The following CAMTA1 variants were observed in gnomAD, a reference collection of about 807,000 sequenced individuals.
CAMTA1 encodes calmodulin-binding transcription activator 1.
CAMTA1 carries 27 observed loss-of-function variants against 170.9 expected under a neutral mutation model. That is an observed-to-expected ratio of 0.16 (90% confidence interval 0.12 to 0.22). The LOEUF (loss-of-function observed/expected upper bound fraction) is 0.22. Among genes scored for constraint, CAMTA1 ranks in the 10% least tolerant of loss-of-function variants. The probability of loss-of-function intolerance (pLI) is 1.00; values close to 1 mark genes in which losing one functional copy is unlikely to be tolerated. For synonymous variants in CAMTA1, 833 were observed against 891.5 expected, an observed-to-expected ratio of 0.93 and a Z score of 1.17; for missense variants, 1,619 against 2,217.2, an observed-to-expected ratio of 0.73 and a Z score of 5.42.
rs544002704 is a variant in CAMTA1 at position 7,666,813 on chromosome 1, A to C, written c.2652+1614A>C. On this transcript the variant is annotated intron_variant, in intron 9 of 22. Transcript: ENST00000303635. ...CCGATAGGAAGAGCCCGGAAGGATC[A>C]GACTGGGCTTCCTCTTGGTATAGGT... 3.7e-4 allele frequency among the ~76,000 whole-genome samples: 57 copies of C among 152,346 alleles called. No individual in the cohort carries two copies. The Middle Eastern group carries it at 0.01, about 27-fold the overall frequency.
chr1:7,088,107 G>T (rs570403954), intron 3 of CAMTA1, among the ~76,000 whole-genome samples: 2 of 152,326 alleles, frequency 1.3e-5, no homozygotes, highest in South Asian at 4.1e-4. Context: ...GCATGGGACA[G>T]TCGATGGCGG....
At chr1:7,094,117 G>T (rs1382917660) in intron 4 of CAMTA1, among the ~76,000 whole-genome samples, 2 of 152,202 alleles carry the variant, frequency 1.3e-5, no homozygotes, top group Non-Finnish European at 2.9e-5. Flanking sequence ...AAGGCAGAGG[G>T]TGAAGACGGA....
At position 7,248,517 on chromosome 1, in the gene CAMTA1, T is replaced by G. The variant is rs1292878930; in HGVS notation, c.303-974T>G. Among the ~76,000 whole-genome samples, 3 of 152,178 alleles carry G rather than the reference T, an allele frequency of 2.0e-5. No individual in the cohort carries two copies. The highest frequency in any genetic ancestry group is 7.2e-5 in the African/African-American group (3 of 41,442). On this transcript the variant is annotated intron_variant, in intron 4 of 22. Transcript: ENST00000303635. This position sits in a 1 kb window ranked among gnomAD's most constrained non-coding sequence, Gnocchi z 4.0. ...GCACTGCGTGGGGTGCTGCTAGATT[T>G]TGGGGGAGTCTTCCTTGACGTTGGA...
At chr1:6,916,396 A>G (rs534656317) in intron 3 of CAMTA1, among the ~76,000 whole-genome samples, 29 of 152,168 alleles carry the variant, frequency 1.9e-4, no homozygotes, top group Admixed American at 3.9e-4. Flanking sequence ...GGCCCGCCCC[A>G]CCTCTGAATG....
intron 3 of CAMTA1, among the ~76,000 whole-genome samples, chr1:7,081,035 G>A (rs1639934697): frequency 1.3e-5 from 2 of 152,204 alleles, no homozygotes; most frequent in East Asian, 3.8e-4. Flanking sequence ...GCTACCAAAG[G>A]AACAAGCTGC....
intron 5 of CAMTA1, among the ~76,000 whole-genome samples, chr1:7,354,856 G>T (rs752857760): frequency 1.2e-4 from 18 of 152,158 alleles, no homozygotes; most frequent in Non-Finnish European, 1.0e-4. Flanking sequence ...TTGGCTATGT[G>T]TATGTCTTCT....
chr1:7,156,129 AT>A (rs34928268), intron 4 of CAMTA1, among the ~76,000 whole-genome samples: 35,736 of 150,836 alleles, frequency 0.24, 4,393 homozygotes, highest in Admixed American at 0.32. Context: ...CAAAAAAAAA[AT>A]AGCCAGATGT....
At chr1:7,661,452 A>C (rs2095956579) in intron 7 of CAMTA1, among the ~76,000 whole-genome samples, 1 of 152,200 alleles carries the variant, frequency 6.6e-6, no homozygotes, top group African/African-American at 2.4e-5. Flanking sequence ...TTAGGGAAAC[A>C]AAAGCAGAAC....
At chr1:7,218,801 A>G (rs1378504037) in intron 4 of CAMTA1, among the ~76,000 whole-genome samples, 1 of 152,084 alleles carries the variant, frequency 6.6e-6, no homozygotes. Context: ...GGAACTCAAG[A>G]ATTTGTTAAT....
intron 6 of CAMTA1, among the ~76,000 whole-genome samples, chr1:7,639,270 C>T (rs114693664): frequency 0.012 from 1,815 of 152,262 alleles, 40 homozygotes; most frequent in African/African-American, 0.041. Context: ...TAAGCCACCA[C>T]GCCCGGCCCA....
intron 3 of CAMTA1, among the ~76,000 whole-genome samples, chr1:6,958,498 C>G (rs1169872453): frequency 1.3e-5 from 2 of 152,226 alleles, no homozygotes; most frequent in Non-Finnish European, 2.9e-5. Flanking sequence ...CCTGTCCACA[C>G]AACAGATTTC....
intron 4 of CAMTA1, among the ~76,000 whole-genome samples, chr1:7,190,438 T>C (rs1401278865): frequency 1.3e-5 from 2 of 152,198 alleles, no homozygotes; most frequent in Non-Finnish European, 2.9e-5. Context: ...ATGATTCTTA[T>C]ACGTGTGTAG....
At chr1:7,602,793 A>G (rs946715789) in intron 6 of CAMTA1, among the ~76,000 whole-genome samples, 4 of 152,212 alleles carry the variant, frequency 2.6e-5, no homozygotes, top group African/African-American at 9.7e-5. Flanking sequence ...GTGGGCATTT[A>G]GTGCTATAAA....
At chr1:6,932,538 A>G (rs1571836016) in intron 3 of CAMTA1, among the ~76,000 whole-genome samples, 1 of 152,326 alleles carries the variant, frequency 6.6e-6, no homozygotes, top group East Asian at 1.9e-4. Context: ...AATGCCTAGG[A>G]GTGGGATGGC....
intron 3 of CAMTA1, among the ~76,000 whole-genome samples, chr1:6,914,459 T>C (rs1050504586): frequency 7.2e-5 from 11 of 152,240 alleles, no homozygotes; most frequent in Non-Finnish European, 1.2e-4. Flanking sequence ...ACAGATGCTA[T>C]ATAAGGCTTT....
intron 6 of CAMTA1, among the ~76,000 whole-genome samples, chr1:7,586,115 C>A (rs529473365): frequency 6.6e-6 from 1 of 152,092 alleles, no homozygotes; most frequent in Non-Finnish European, 1.5e-5. Flanking sequence ...GGAAGGCGCC[C>A]ACTCCCAGCC....
At chr1:6,905,718 C>G (rs1268321313) in intron 3 of CAMTA1, among the ~76,000 whole-genome samples, 1 of 152,038 alleles carries the variant, frequency 6.6e-6, no homozygotes, top group Non-Finnish European at 1.5e-5. Flanking sequence ...TTGCATTGTG[C>G]TTTGTCTCTT....
chr1:7,599,680 G>A (rs902646600), intron 6 of CAMTA1, among the ~76,000 whole-genome samples: 2 of 152,162 alleles, frequency 1.3e-5, no homozygotes, highest in African/African-American at 2.4e-5. Flanking sequence ...GGATTCCTAG[G>A]TATTTTATTC....
At chr1:7,518,723 T>A (rs2094321206) in intron 6 of CAMTA1, among the ~76,000 whole-genome samples, 1 of 151,882 alleles carries the variant, frequency 6.6e-6, no homozygotes. Context: ...GAAAGGAAGG[T>A]GCCCCTCACT....
Sources: gnomAD v4.1 joint callset for allele counts (sites outside exome capture counted in the v4.1 genomes callset) on GRCh38, gnomAD v4.1.1 for gene constraint, Gnocchi (gnomAD v3.1) non-coding constraint, MANE v1.5 for transcripts, NCBI Gene and HGNC (gene_info 2026-07-23, HGNC 2026-07-21) for gene names.